Variants in ARK2C observed in about 807,000 individuals in gnomAD.
ARK2C encodes E3 ubiquitin-protein ligase ARK2C.
At chr18:46,343,931 G>A in the ARK2C span, among the ~76,000 whole-genome samples, 1 of 152,252 alleles carries the variant, frequency 6.6e-6, no homozygotes, top group South Asian at 2.1e-4. Flanking sequence ...GCTGGCATAA[G>A]TCTGGTGCTG....
chr18:46,344,030 C>T, the ARK2C span, among the ~76,000 whole-genome samples: 6 of 152,324 alleles, frequency 3.9e-5, no homozygotes, highest in African/African-American at 1.2e-4. Flanking sequence ...CCTGGGTGTG[C>T]CGCTGTGTGC....
At chr18:46,410,999 G>C in the ARK2C span, among the ~76,000 whole-genome samples, 1 of 152,222 alleles carries the variant, frequency 6.6e-6, no homozygotes, top group Non-Finnish European at 1.5e-5. Flanking sequence ...TCTCCACTCT[G>C]GGGAAGTTGC....
the ARK2C span, among the ~76,000 whole-genome samples, chr18:46,385,533 A>G: frequency 3.9e-4 from 59 of 152,294 alleles, no homozygotes; most frequent in African/African-American, 1.4e-3. Context: ...GGAGCTCCAA[A>G]TCCCCCAGAT....
the ARK2C span, among the ~76,000 whole-genome samples, chr18:46,420,196 A>G: frequency 1.3e-5 from 2 of 152,044 alleles, no homozygotes; most frequent in African/African-American, 2.4e-5. Context: ...TTAAAACGTA[A>G]CCACTCCTGA....
At chr18:46,408,427 G>A in the ARK2C span, among the ~76,000 whole-genome samples, 1 of 152,224 alleles carries the variant, frequency 6.6e-6, no homozygotes, top group African/African-American at 2.4e-5. Context: ...ATGACAATCT[G>A]GAGGCAGCAG....
chr18:46,385,385 T>A, the ARK2C span, among the ~76,000 whole-genome samples: 1 of 152,082 alleles, frequency 6.6e-6, no homozygotes, highest in Non-Finnish European at 1.5e-5. Flanking sequence ...CCTGTGCATG[T>A]GTGTGTGAGT....
At chr18:46,362,633 A>G in the ARK2C span, among the ~76,000 whole-genome samples, 6 of 152,248 alleles carry the variant, frequency 3.9e-5, no homozygotes, top group Admixed American at 2.0e-4. Flanking sequence ...TGCTATTTCC[A>G]GACATATGGT....
chr18:46,398,711 C>A, the ARK2C span, among the ~76,000 whole-genome samples: 3 of 151,926 alleles, frequency 2.0e-5, no homozygotes, highest in South Asian at 6.2e-4. Context: ...TCTGTAAGAC[C>A]AGTGCCCTTA....
chr18:46,335,924 G>T, the ARK2C span: 2 of 985,418 alleles, frequency 2.0e-6, no homozygotes, highest in Non-Finnish European at 2.4e-6. Flanking sequence ...TGTGCGCTGT[G>T]ACCCTTCTGC....
chr18:46,374,097 C>T, the ARK2C span, among the ~76,000 whole-genome samples: 1 of 152,208 alleles, frequency 6.6e-6, no homozygotes, highest in Admixed American at 6.5e-5. Flanking sequence ...CCTCCCCTCC[C>T]CACCAGGGGT....
the ARK2C span, among the ~76,000 whole-genome samples, chr18:46,373,535 A>C: frequency 6.6e-6 from 1 of 152,188 alleles, no homozygotes; most frequent in African/African-American, 2.4e-5. Flanking sequence ...TTGATGACCC[A>C]GTTGAAAGTG....
At chr18:46,455,885 C>T in the ARK2C span, 1 of 730,330 alleles carries the variant, frequency 1.4e-6, no homozygotes, top group South Asian at 1.7e-5. Context: ...ACCTGACTCC[C>T]AGGGGAAGAG....
chr18:46,375,979 C>T, the ARK2C span, among the ~76,000 whole-genome samples: 95 of 152,246 alleles, frequency 6.2e-4, no homozygotes, highest in African/African-American at 2.1e-3. Flanking sequence ...TTCTTGTCTA[C>T]GAAGTGGATG....
chr18:46,444,092 TGC>T, the ARK2C span, among the ~76,000 whole-genome samples: 515 of 152,248 alleles, frequency 3.4e-3, 10 homozygotes, highest in Non-Finnish European at 4.9e-4. Context: ...TCTTCTGGCT[TGC>T]TTTGTTGTTG....
the ARK2C span, among the ~76,000 whole-genome samples, chr18:46,368,774 C>T: frequency 6.6e-6 from 1 of 152,246 alleles, no homozygotes; most frequent in Non-Finnish European, 1.5e-5. Context: ...CTGCCATTCA[C>T]TTGCTGTGGG....
the ARK2C span, among the ~76,000 whole-genome samples, chr18:46,419,039 C>G: frequency 1.3e-3 from 198 of 152,306 alleles, no homozygotes; most frequent in Non-Finnish European, 2.5e-3. Flanking sequence ...ATTTTTGGCT[C>G]TAGTGGGAAC....
the ARK2C span, among the ~76,000 whole-genome samples, chr18:46,383,214 G>A: frequency 9.2e-5 from 14 of 152,258 alleles, no homozygotes; most frequent in Non-Finnish European, 4.4e-5. Context: ...AGGGGAGGCA[G>A]TGGGTGTTGG....
the ARK2C span, among the ~76,000 whole-genome samples, chr18:46,443,311 T>C: frequency 6.6e-6 from 1 of 152,210 alleles, no homozygotes; most frequent in South Asian, 2.1e-4. Context: ...CATACCACTT[T>C]ATTTTATCTT....
chr18:46,411,839 T>G, the ARK2C span, among the ~76,000 whole-genome samples: 1 of 152,150 alleles, frequency 6.6e-6, no homozygotes, highest in Non-Finnish European at 1.5e-5. Flanking sequence ...GGCTGAGCCG[T>G]GTATGTGTGA....
Sources: allele counts gnomAD v4.1 joint callset (sites outside exome capture counted in the v4.1 genomes callset), GRCh38; gene constraint gnomAD v4.1.1; transcripts MANE v1.5; gene names NCBI Gene and HGNC (gene_info 2026-07-23, HGNC 2026-07-21).